Variants in FBXW11 observed in about 807,000 individuals in gnomAD.
FBXW11 encodes F-box and WD repeat domain containing 11, also known as F-box/WD repeat-containing protein 11.
In FBXW11, 19 loss-of-function variants were observed where a neutral mutation model predicts 77.6. The observed-to-expected ratio is 0.24, with a 90% CI of 0.17 to 0.36. The LOEUF is 0.36. Among genes scored for constraint, FBXW11 ranks in the 10% least tolerant of loss-of-function variants. The pLI, the probability that FBXW11 is intolerant of heterozygous loss-of-function variation, is 1.00. For missense variants in FBXW11, 334 were observed against 704.2 expected (o/e 0.47, Z 5.95); for synonymous variants, 235 against 249.4 (o/e 0.94, Z 0.54).
intron 10 of FBXW11, 63 bp downstream of exon 10, chr5:171,872,809 G>A: frequency 8.7e-7 from 1 of 1,146,802 alleles, no homozygotes; most frequent in South Asian, 1.3e-5. Context: ...ATTAGAACTA[G>A]GAGATGAGTC....
intron 1 of FBXW11, among the ~76,000 whole-genome samples, chr5:171,963,206 C>CAT (rs1052133540): frequency 1.4e-5 from 2 of 138,178 alleles, no homozygotes; most frequent in African/African-American, 5.1e-5. Flanking sequence ...CACACACACA[C>CAT]ATATATATAT....
At chr5:171,887,845 G>A (rs2113828178) in intron 7 of FBXW11, among the ~76,000 whole-genome samples, 1 of 152,036 alleles carries the variant, frequency 6.6e-6, no homozygotes, top group East Asian at 1.9e-4. Context: ...TTTTAGTAGT[G>A]ACAGGGTTTC....
chr5:171,933,729 C>A (rs918313711), intron 2 of FBXW11, among the ~76,000 whole-genome samples: 1 of 152,066 alleles, frequency 6.6e-6, no homozygotes, highest in East Asian at 1.9e-4. Context: ...GGAAGCCATG[C>A]AGTAAAGAAA....
chr5:171,915,405 T>C (rs1761159071), intron 2 of FBXW11, among the ~76,000 whole-genome samples: 1 of 152,208 alleles, frequency 6.6e-6, no homozygotes, highest in African/African-American at 2.4e-5. Context: ...GTTCTACAAG[T>C]CCTAAAATGT....
At chr5:172,001,708 C>T (rs762848249) in intron 1 of FBXW11, among the ~76,000 whole-genome samples, 6 of 152,198 alleles carry the variant, frequency 3.9e-5, no homozygotes, top group Non-Finnish European at 8.8e-5. Flanking sequence ...ACAGTCTCTG[C>T]TACCATAATA....
At chr5:171,967,074 A>G (rs891123024) in intron 1 of FBXW11, among the ~76,000 whole-genome samples, 1 of 152,194 alleles carries the variant, frequency 6.6e-6, no homozygotes, top group Non-Finnish European at 1.5e-5. Flanking sequence ...AACTCCGTAG[A>G]GCAGCAAGTT....
intron 7 of FBXW11, among the ~76,000 whole-genome samples, chr5:171,880,536 C>T (rs1758429803): frequency 6.6e-6 from 1 of 152,214 alleles, no homozygotes; most frequent in Admixed American, 6.5e-5. Flanking sequence ...GACTGACATC[C>T]TCACAATAGT....
At chr5:171,886,207 T>C (rs1303089864) in intron 7 of FBXW11, among the ~76,000 whole-genome samples, 2 of 152,166 alleles carry the variant, frequency 1.3e-5, no homozygotes, top group Non-Finnish European at 2.9e-5. Context: ...CCAACAATGA[T>C]AGACTGGATT....
chr5:171,873,066 C>G (rs1476343957), intron 9 of FBXW11, 76 bp from the exon 10 acceptor site: 1 of 1,228,418 alleles, frequency 8.1e-7, no homozygotes, highest in East Asian at 2.4e-5. Flanking sequence ...CTTAAAAAGA[C>G]AGAGCTTCTG....
At chr5:171,990,316 G>T (rs552632571) in intron 1 of FBXW11, among the ~76,000 whole-genome samples, 6 of 152,244 alleles carry the variant, frequency 3.9e-5, no homozygotes, top group Admixed American at 3.9e-4. Flanking sequence ...AGGAAAAAGA[G>T]AAGAACAATT....
chr5:171,886,518 C>T (rs915462721), intron 7 of FBXW11, among the ~76,000 whole-genome samples: 2 of 151,958 alleles, frequency 1.3e-5, no homozygotes, highest in Admixed American at 1.3e-4. Flanking sequence ...CACATGTATA[C>T]ATATGTAACA....
In FBXW11 at chr5:171,933,107, G is replaced by A. The variant is rs1762300190; in HGVS notation, c.148-18702C>T. On this transcript the variant is annotated intron_variant, in intron 2 of 13. Transcript: ENST00000517395. ...AATCACACCATTGCACTCCAGCCTG[G>A]GAAACAAAGCAAGACCTTCTCTCAA... Among the ~76,000 whole-genome samples the A allele has an allele frequency of 2.8e-5, 4 of 143,608 alleles. No individual in the cohort carries two copies. The South Asian group carries it at 8.9e-4, about 32-fold the overall frequency. 94.2% of individuals were successfully genotyped at this position (143,608 alleles called of 152,430 possible).
At position 171,998,421 on chromosome 5, in the gene FBXW11, T is replaced by C. The variant is rs563174987; in HGVS notation, c.45+8037A>G. On this transcript the variant is annotated intron_variant, in intron 1 of 13. Coordinates refer to ENST00000517395, the MANE Select transcript of FBXW11 (RefSeq NM_001378974.1). Reference sequence around the variant, plus strand: ...AACTCCTAAGCTCAAGCGATCTGCCTACCTTGGCCTCCCAAAGGGCTGGGA... The same window carrying C: ...AACTCCTAAGCTCAAGCGATCTGCCCACCTTGGCCTCCCAAAGGGCTGGGA... Among the ~76,000 whole-genome samples, 1,423 of 146,406 alleles carry C rather than the reference T, an allele frequency of 9.7e-3. 10 individuals carry two copies. The highest frequency in any genetic ancestry group is 0.016 in the Non-Finnish European group (1,054 of 67,086).
chr5:171,878,557 TGTGA>T (rs1382622430), intron 7 of FBXW11, among the ~76,000 whole-genome samples: 3,113 of 46,222 alleles, frequency 0.067, 135 homozygotes, highest in African/African-American at 0.14. Context: ...CATAAGAGTG[TGTGA>T]GTGTGTGTGT....
rs200870533 is a variant in FBXW11 at position 171,862,438 on chromosome 5, T to C, written c.*1689A>G. On this transcript the variant is annotated 3_prime_UTR_variant, in exon 14 of 14. Coordinates refer to ENST00000517395, the MANE Select transcript of FBXW11 (RefSeq NM_001378974.1). Reference sequence around the variant, plus strand: ...AAAGGACAAATCAGAGCCCAGGGCCTTCCCTTTAGTAGTAGAGTGTGCTTC... The same window carrying C: ...AAAGGACAAATCAGAGCCCAGGGCCCTCCCTTTAGTAGTAGAGTGTGCTTC... 3 of 151,692 alleles carry C rather than the reference T, an allele frequency of 2.0e-5. No individual in the cohort carries two copies. Among genetic ancestry groups the C allele is most frequent in the African/African-American group, 7.3e-5 (3 of 41,084 alleles). 9.4% of individuals were successfully genotyped at this position (151,692 alleles called of 1,614,324 possible).
chr5:171,915,801 G>C (rs1225445379), intron 2 of FBXW11, among the ~76,000 whole-genome samples: 1 of 152,022 alleles, frequency 6.6e-6, no homozygotes, highest in South Asian at 2.1e-4. Flanking sequence ...ACTTTTCACT[G>C]TGGCATTATT....
At chr5:171,870,635 T>C in intron 11 of FBXW11, 113 bp downstream of exon 11, 1 of 736,964 alleles carries the variant, frequency 1.4e-6, no homozygotes, top group Non-Finnish European at 2.3e-6. Context: ...CCATCCACCA[T>C]TACACAGAAA....
At position 171,967,871 on chromosome 5, in the gene FBXW11, TATATATATATATACACACAC is replaced by T. The variant is rs1232073310; in HGVS notation, c.46-10193_46-10174del. 7.5e-4 allele frequency among the ~76,000 whole-genome samples: 83 copies of T among 110,876 alleles called. 2 individuals are homozygous for T. Among genetic ancestry groups the T allele is most frequent in the African/African-American group, 2.5e-3 (68 of 27,472 alleles). 72.7% of individuals were successfully genotyped at this position (110,876 alleles called of 152,430 possible). ...AAAAAAATGCATATATATATATATA[TATATATATATATACACACAC>T]ACACACACACACACACACACACACA... On this transcript the variant is annotated intron_variant, in intron 1 of 13. Transcript: ENST00000517395.
At chr5:171,939,994 T>G (rs1051687392) in intron 2 of FBXW11, among the ~76,000 whole-genome samples, 1 of 152,204 alleles carries the variant, frequency 6.6e-6, no homozygotes, top group African/African-American at 2.4e-5. Context: ...GTAAAAGCTA[T>G]GTAAATAGTT....
Sources: allele counts gnomAD v4.1 joint callset (sites outside exome capture counted in the v4.1 genomes callset), GRCh38; gene constraint gnomAD v4.1.1; transcripts MANE v1.5; gene names NCBI Gene and HGNC (gene_info 2026-07-23, HGNC 2026-07-21).